The following ENTPD1 variants were observed in gnomAD, a reference collection of about 807,000 sequenced individuals.
The protein encoded by ENTPD1 is ATP diphosphohydrolase.
ENTPD1 carries 33 observed loss-of-function variants against 57.0 expected under a neutral mutation model. The ratio of observed to expected loss-of-function variants is 0.58; its 90% confidence interval spans 0.44 to 0.77. ENTPD1 has a LOEUF of 0.77. Among genes scored for constraint, ENTPD1 ranks in the 30% least tolerant of loss-of-function variants. The probability of loss-of-function intolerance (pLI) is 0.00; values close to 1 mark genes in which losing one functional copy is unlikely to be tolerated. For missense variants in ENTPD1, 501 were observed against 603.4 expected, an observed-to-expected ratio of 0.83 and a Z score of 1.78; for synonymous variants, 202 against 218.8, an observed-to-expected ratio of 0.92 and a Z score of 0.68.
chr10:95,751,924 A>T (rs1290147175), upstream of ENTPD1, among the ~76,000 whole-genome samples: 1 of 152,124 alleles, frequency 6.6e-6, no homozygotes, highest in Non-Finnish European at 1.5e-5. Context: ...TAGGTAGAAT[A>T]AGTGAAGTAG....
chr10:95,802,697 A>G (rs900580362), intron 1 of ENTPD1, among the ~76,000 whole-genome samples: 1 of 152,126 alleles, frequency 6.6e-6, no homozygotes, highest in Non-Finnish European at 1.5e-5. Flanking sequence ...TATGAGTGAG[A>G]ACATGTGGTG....
chr10:95,770,588 C>T (rs1399641048), intron 1 of ENTPD1, among the ~76,000 whole-genome samples: 3 of 152,076 alleles, frequency 2.0e-5, no homozygotes, highest in Admixed American at 6.6e-5. Context: ...CCTTTCAGGG[C>T]CAGGAAGTAT....
chr10:95,850,282 T>C (rs2098442660), intron 7 of ENTPD1, among the ~76,000 whole-genome samples: 1 of 152,202 alleles, frequency 6.6e-6, no homozygotes, highest in South Asian at 2.1e-4. Context: ...GCCCTCAGGG[T>C]CAGGACTGTC....
intron 1 of ENTPD1, among the ~76,000 whole-genome samples, chr10:95,801,347 C>T (rs147552805): frequency 1.3e-5 from 2 of 152,080 alleles, no homozygotes; most frequent in African/African-American, 2.4e-5. Context: ...ACATTTAGGT[C>T]TTTAATCCAT....
intron 1 of ENTPD1, among the ~76,000 whole-genome samples, chr10:95,721,714 C>G (rs2097977705): frequency 6.6e-6 from 1 of 151,942 alleles, no homozygotes; most frequent in African/African-American, 2.4e-5. Context: ...GATGCCATCA[C>G]CCCTAGTCAT....
At chr10:95,702,512 G>T in the ENTPD1 span, among the ~76,000 whole-genome samples, 1 of 151,886 alleles carries the variant, frequency 6.6e-6, no homozygotes, top group Non-Finnish European at 1.5e-5. Context: ...GGGGAGAGTG[G>T]TAGAAATACT....
upstream of ENTPD1, among the ~76,000 whole-genome samples, chr10:95,706,807 C>T (rs1265844612): frequency 6.6e-6 from 1 of 152,280 alleles, no homozygotes; most frequent in South Asian, 2.1e-4. Flanking sequence ...AGCTTTCAGG[C>T]CCTCCATGGC....
At chr10:95,776,233 T>C (rs559761388) in intron 1 of ENTPD1, among the ~76,000 whole-genome samples, 2 of 152,250 alleles carry the variant, frequency 1.3e-5, no homozygotes, top group African/African-American at 4.8e-5. Context: ...CTTCCTAGCA[T>C]CGACAGTCTT....
Position 95,870,503 on chromosome 10 carries a change from T to TC in ENTPD1, c.*4122dup, listed in dbSNP as rs1455913407. ...TATGTTGTCCAGGCTGGTCTCGAACTCCTGCCCTCAAGCAATCCTCCTGCC... is the reference window on the plus strand; with the variant it reads ...TATGTTGTCCAGGCTGGTCTCGAACTCCCTGCCCTCAAGCAATCCTCCTGCC... On this transcript the variant is annotated 3_prime_UTR_variant, in exon 10 of 10. Transcript: ENST00000371205. The TC allele has an allele frequency of 7.5e-6, 7 of 928,856 alleles. No individual in the cohort carries two copies. The highest frequency in any genetic ancestry group is 9.0e-6 in the Non-Finnish European group (7 of 778,602). The allele number at this position is 928,856 out of a possible 1,614,324, so 57.5% of individuals were successfully genotyped here. A position where few individuals can be genotyped will look rare whatever the true frequency, so the allele number is the denominator to read the frequency against.
intron 1 of ENTPD1, among the ~76,000 whole-genome samples, chr10:95,799,005 T>C (rs1002357879): frequency 6.6e-6 from 1 of 152,216 alleles, no homozygotes; most frequent in African/African-American, 2.4e-5. Flanking sequence ...TTCTGTGTTC[T>C]ATAGGTAGCC....
upstream of ENTPD1, chr10:95,755,579 C>A: frequency 2.2e-6 from 2 of 897,752 alleles, no homozygotes; most frequent in Non-Finnish European, 3.4e-6. Context: ...CATTGAGCAG[C>A]TCCTCTGTGG....
chr10:95,809,848 A>AAG (rs2098294977), intron 1 of ENTPD1, among the ~76,000 whole-genome samples: 1 of 121,646 alleles, frequency 8.2e-6, no homozygotes, highest in African/African-American at 3.3e-5. Context: ...CCGGGCTGAG[A>AAG]TGCTCCTCAC....
intron 1 of ENTPD1, among the ~76,000 whole-genome samples, chr10:95,760,456 G>T (rs2098052516): frequency 6.6e-6 from 1 of 152,198 alleles, no homozygotes; most frequent in Admixed American, 6.5e-5. Flanking sequence ...AGATTTGAAG[G>T]CAGAAGTACA....
chr10:95,761,736 T>A (rs1051001365), intron 1 of ENTPD1, among the ~76,000 whole-genome samples: 4 of 152,342 alleles, frequency 2.6e-5, no homozygotes, highest in South Asian at 4.1e-4. Flanking sequence ...CTCCACCTTT[T>A]CTCCATGGCT....
At chr10:95,730,224 T>G (rs891677360) in intron 1 of ENTPD1, among the ~76,000 whole-genome samples, 13 of 151,742 alleles carry the variant, frequency 8.6e-5, no homozygotes, top group African/African-American at 1.7e-4. Flanking sequence ...TTCTTTTGTT[T>G]TTTTTTTTTT....
At chr10:95,839,115 T>G (rs2098417284) in intron 2 of ENTPD1, among the ~76,000 whole-genome samples, 1 of 152,236 alleles carries the variant, frequency 6.6e-6, no homozygotes, top group Admixed American at 6.5e-5. Flanking sequence ...ATGAACATAT[T>G]TATTACGTCT....
At chr10:95,802,306 A>C (rs1385509890) in intron 1 of ENTPD1, among the ~76,000 whole-genome samples, 1 of 152,214 alleles carries the variant, frequency 6.6e-6, no homozygotes, top group Non-Finnish European at 1.5e-5. Context: ...ATGATTGTGG[A>C]GACCAAGTTT....
upstream of ENTPD1, chr10:95,755,375 GA>G (rs1423856183): frequency 1.2e-4 from 32 of 271,010 alleles, no homozygotes; most frequent in African/African-American, 7.0e-4. Flanking sequence ...CCTTTCAAAG[GA>G]TTAGCCCTTG....
intron 1 of ENTPD1, among the ~76,000 whole-genome samples, chr10:95,808,489 G>A (rs2098282125): frequency 6.6e-6 from 1 of 152,188 alleles, no homozygotes; most frequent in Admixed American, 6.5e-5. Context: ...AGTTTCAGCA[G>A]GAATGATACC....
Sources: gnomAD v4.1 joint callset for allele counts (sites outside exome capture counted in the v4.1 genomes callset) on GRCh38, gnomAD v4.1.1 for gene constraint, MANE v1.5 for transcripts, NCBI Gene and HGNC (gene_info 2026-07-23, HGNC 2026-07-21) for gene names.